Variants in FAM227B observed in about 807,000 individuals in gnomAD.
The protein encoded by FAM227B is protein FAM227B.
Under a neutral mutation model 73.8 loss-of-function variants are expected in FAM227B, and 88 were observed. That is an observed-to-expected ratio of 1.19 (90% CI 1.00 to 1.42). FAM227B has a LOEUF of 1.42. Ranked by LOEUF, FAM227B falls within the 40% of genes most tolerant of loss-of-function variation. FAM227B has a pLI of 0.00. For missense variants in FAM227B, 632 were observed against 590.9 expected (o/e 1.07, Z -0.72); for synonymous variants, 210 against 190.5 (o/e 1.10, Z -0.84).
At chr15:49,508,453 CAA>C in intron 10 of FAM227B, 105 bp from the exon 11 acceptor site, 1 of 1,040,054 alleles carries the variant, frequency 9.6e-7, no homozygotes, top group Non-Finnish European at 1.3e-6. Context: ...ATCCTCACAA[CAA>C]AAAAGTTCCT....
At position 49,471,520 on chromosome 15, in the gene FAM227B, T is replaced by C. The variant is rs940413131; in HGVS notation, c.1012+36691A>G. On this transcript the variant is annotated intron_variant, in intron 11 of 15. Transcript: ENST00000299338. ...ATAATAATAATAATAATAATAATAA[T>C]AATAATAATAATATGGCAAATGTAA... Among the ~76,000 whole-genome samples, 132 of 147,716 alleles carry C rather than the reference T, an allele frequency of 8.9e-4. 4 individuals carry two copies. The South Asian group carries it at 0.027, about 30-fold the overall frequency.
intron 9 of FAM227B, among the ~76,000 whole-genome samples, chr15:49,557,357 GA>G (rs1414320281): frequency 1.3e-5 from 2 of 151,986 alleles, no homozygotes; most frequent in African/African-American, 2.4e-5. Flanking sequence ...AATGTTTTGG[GA>G]AAAAAACTTA....
chr15:49,545,806 G>A (rs893190692), intron 9 of FAM227B, among the ~76,000 whole-genome samples: 19 of 152,030 alleles, frequency 1.2e-4, no homozygotes, highest in African/African-American at 4.3e-4. Context: ...CATTTTGAGG[G>A]TTCCTTTTGG....
At chr15:49,334,823 T>C (rs2039423947) in intron 14 of FAM227B, among the ~76,000 whole-genome samples, 1 of 152,194 alleles carries the variant, frequency 6.6e-6, no homozygotes, top group African/African-American at 2.4e-5. Flanking sequence ...GGCAGTAACC[T>C]TGACAGCATG....
rs1233802743 is a variant in FAM227B at position 49,418,280 on chromosome 15, T to A, written c.1013-46881A>T. On this transcript the variant is annotated intron_variant, in intron 11 of 15. Transcript: ENST00000299338. Reference sequence around the variant, plus strand: ...ATTCCTCAAAGAACTAAAGACACAATTGCCATTTGACCCAGCAATCCTATT... The same window carrying A: ...ATTCCTCAAAGAACTAAAGACACAAATGCCATTTGACCCAGCAATCCTATT... Among the ~76,000 whole-genome samples the A allele has an allele frequency of 2.5e-4, 38 of 152,108 alleles. 1 individual carries two copies. Among genetic ancestry groups the A allele is most frequent in the Admixed American group, 2.5e-3 (38 of 15,268 alleles).
intron 11 of FAM227B, among the ~76,000 whole-genome samples, chr15:49,429,942 G>A (rs1224915035): frequency 6.6e-6 from 1 of 151,950 alleles, no homozygotes; most frequent in Non-Finnish European, 1.5e-5. Flanking sequence ...TGGAGAACAA[G>A]AATTCTAATT....
chr15:49,413,596 C>G (rs1312784421), intron 11 of FAM227B, among the ~76,000 whole-genome samples: 1 of 152,048 alleles, frequency 6.6e-6, no homozygotes, highest in African/African-American at 2.4e-5. Context: ...TAACCAGTCT[C>G]CTTATTTCAA....
chr15:49,466,273 T>C (rs1303020948), intron 11 of FAM227B, among the ~76,000 whole-genome samples: 1 of 152,190 alleles, frequency 6.6e-6, no homozygotes, highest in Non-Finnish European at 1.5e-5. Flanking sequence ...CATCTTGTGA[T>C]TCCATGCAAT....
At chr15:49,450,749 T>C (rs1388362524) in intron 11 of FAM227B, among the ~76,000 whole-genome samples, 2 of 145,258 alleles carry the variant, frequency 1.4e-5, no homozygotes, top group Non-Finnish European at 3.0e-5. Flanking sequence ...ACAAAACTAA[T>C]AACACTGCGT....
chr15:49,339,680 A>G (rs995233037), intron 13 of FAM227B, among the ~76,000 whole-genome samples: 3 of 152,156 alleles, frequency 2.0e-5, no homozygotes, highest in Non-Finnish European at 4.4e-5. Context: ...CTGTCTTTAG[A>G]GCTGCCAAGT....
At chr15:49,383,715 T>A (rs936013889) in intron 11 of FAM227B, among the ~76,000 whole-genome samples, 5 of 152,050 alleles carry the variant, frequency 3.3e-5, no homozygotes, top group Non-Finnish European at 2.9e-5. Flanking sequence ...ATGACGGACA[T>A]AAGAAGTAAG....
intron 12 of FAM227B, among the ~76,000 whole-genome samples, chr15:49,369,979 T>TAAG (rs570328451): frequency 2.0e-5 from 3 of 152,170 alleles, no homozygotes; most frequent in Non-Finnish European, 4.4e-5. Flanking sequence ...GGAGTCTTTA[T>TAAG]AAGAAGAAGA....
At chr15:49,619,732 T>C (rs1338515098) in intron 1 of FAM227B, among the ~76,000 whole-genome samples, 1 of 152,218 alleles carries the variant, frequency 6.6e-6, no homozygotes, top group Non-Finnish European at 1.5e-5. Flanking sequence ...TGATAAAATT[T>C]AGAGTTAAAC....
chr15:49,457,871 A>G (rs1230153279), intron 11 of FAM227B, among the ~76,000 whole-genome samples: 1 of 150,878 alleles, frequency 6.6e-6, no homozygotes, highest in Non-Finnish European at 1.5e-5. Flanking sequence ...AAACAATTAA[A>G]TGAATCTAAT....
chr15:49,586,650 G>A lies in FAM227B; in HGVS notation c.405+1366C>T, dbSNP rs148797424. ...TTTGCAAACTACGCATCTTACAAAGGTCTAATATCCAACTCACACGGAACT... is the reference window on the plus strand; with the variant it reads ...TTTGCAAACTACGCATCTTACAAAGATCTAATATCCAACTCACACGGAACT... On this transcript the variant is annotated intron_variant, in intron 5 of 15. Transcript: ENST00000299338. 4.7e-3 allele frequency among the ~76,000 whole-genome samples: 708 copies of A among 152,096 alleles called. 8 individuals are homozygous for A. The highest frequency in any genetic ancestry group is 4.2e-3 in the Non-Finnish European group (287 of 67,990).
At chr15:49,532,942 T>G (rs1400664721) in intron 10 of FAM227B, among the ~76,000 whole-genome samples, 3 of 151,954 alleles carry the variant, frequency 2.0e-5, no homozygotes, top group Admixed American at 6.6e-5. Flanking sequence ...TGTAAGTCCT[T>G]AAGAAAGGCT....
At chr15:49,495,438 T>A (rs1018006930) in intron 11 of FAM227B, among the ~76,000 whole-genome samples, 4 of 152,198 alleles carry the variant, frequency 2.6e-5, no homozygotes, top group African/African-American at 7.2e-5. Flanking sequence ...GTTCATATAG[T>A]CTTTCTCTAC....
intron 11 of FAM227B, among the ~76,000 whole-genome samples, chr15:49,379,928 C>T (rs1400379881): frequency 3.3e-5 from 5 of 152,182 alleles, no homozygotes; most frequent in African/African-American, 1.2e-4. Context: ...CAGGGCTTTA[C>T]AATCAGCTGG....
chr15:49,436,096 A>G (rs1405530058), intron 11 of FAM227B, among the ~76,000 whole-genome samples: 1 of 151,552 alleles, frequency 6.6e-6, no homozygotes, highest in African/African-American at 2.4e-5. Flanking sequence ...GGCCAGCTTA[A>G]TAAGTTTGCT....
Sources: gnomAD v4.1 joint callset for allele counts (sites outside exome capture counted in the v4.1 genomes callset) on GRCh38, gnomAD v4.1.1 for gene constraint, MANE v1.5 for transcripts, NCBI Gene and HGNC (gene_info 2026-07-23, HGNC 2026-07-21) for gene names.